The following ZNF420 variants were observed in gnomAD, a reference collection of about 807,000 sequenced individuals.
ZNF420 encodes the protein zinc finger protein 420.
In ZNF420, 31 loss-of-function variants were observed where a neutral mutation model predicts 44.7. That is an observed-to-expected ratio of 0.69 (90% CI 0.52 to 0.94). ZNF420 has a LOEUF of 0.94. Ranked by LOEUF, ZNF420 falls within the 40% of genes least tolerant of loss-of-function variation. The probability of loss-of-function intolerance (pLI) is 0.00; values close to 1 mark genes in which losing one functional copy is unlikely to be tolerated. For missense variants in ZNF420, 681 were observed against 827.9 expected (o/e 0.82, Z 2.18); for synonymous variants, 245 against 267.4 (o/e 0.92, Z 0.82).
chr19:37,055,842 G>A (rs999198143), intron 1 of ZNF420, among the ~76,000 whole-genome samples: 6 of 152,166 alleles, frequency 3.9e-5, no homozygotes. Context: ...AAGCAGCGCG[G>A]AATTCCAGCC....
At chr19:37,024,337 G>A (rs1745195023) in intron 1 of ZNF420, among the ~76,000 whole-genome samples, 1 of 152,126 alleles carries the variant, frequency 6.6e-6, no homozygotes, top group Non-Finnish European at 1.5e-5. Context: ...TTGGGCACAT[G>A]TTGTCAGGAC....
intron 4 of ZNF420, among the ~76,000 whole-genome samples, chr19:37,125,107 G>T (rs1194406674): frequency 6.6e-6 from 1 of 152,126 alleles, no homozygotes; most frequent in Non-Finnish European, 1.5e-5. Flanking sequence ...CAAAGTGCTG[G>T]GATTACAGGC....
At chr19:37,108,225 A>G (rs1970201238) in intron 4 of ZNF420, 1 of 152,210 alleles carries the variant, frequency 6.6e-6, no homozygotes, top group Admixed American at 6.5e-5. Context: ...GATTAATCCC[A>G]TAATCACTGC....
At chr19:37,103,494 A>G (rs1969894194) in intron 4 of ZNF420, among the ~76,000 whole-genome samples, 1 of 152,156 alleles carries the variant, frequency 6.6e-6, no homozygotes, top group African/African-American at 2.4e-5. Context: ...TGGTTACATA[A>G]TGGTCATGAC....
At position 37,036,508 on chromosome 19, in the gene ZNF420, C is replaced by G. The variant is rs1967357342; in HGVS notation, c.-125+28426C>G. ...AGCCAGCAGGAAGGATCTCACAGGT[C>G]ATATCCTGAGATCCAGCCCTCCACC... On this transcript the variant is annotated intron_variant, in intron 1 of 4. Transcript: ENST00000587029. Among the ~76,000 whole-genome samples the G allele has an allele frequency of 2.6e-5, 4 of 152,218 alleles. No individual in the cohort carries two copies. In the South Asian group the frequency reaches 8.3e-4, roughly 32 times the overall value.
chr19:37,012,662 C>T (rs530266545), intron 1 of ZNF420, among the ~76,000 whole-genome samples: 2 of 152,224 alleles, frequency 1.3e-5, no homozygotes, highest in South Asian at 4.2e-4. Context: ...CCTGTGTGCC[C>T]GTGGGCTGCT....
chr19:37,115,183 C>G, intron 4 of ZNF420: 1 of 170,980 alleles, frequency 5.8e-6, no homozygotes, highest in South Asian at 1.8e-4. Flanking sequence ...AAAGCACCTA[C>G]GTTGGACACC....
chr19:37,038,986 C>CAA lies in ZNF420; in HGVS notation c.-125+30914_-125+30915dup, dbSNP rs200675234. ...GGACAACAACAATGAAACTCTGTCT[C>CAA]AAAAAAAAAAAGAAAAGAAAAGAAA... On this transcript the variant is annotated intron_variant, in intron 1 of 4. Coordinates refer to the ZNF420 transcript ENST00000587029. Among the ~76,000 whole-genome samples the CAA allele has an allele frequency of 1.3e-3, 189 of 144,340 alleles. 1 individual carries two copies. Among genetic ancestry groups the CAA allele is most frequent in the Non-Finnish European group, 2.1e-3 (136 of 65,790 alleles). 94.7% of individuals were successfully genotyped at this position (144,340 alleles called of 152,430 possible).
Position 37,127,251 on chromosome 19 carries a change from G to A in ZNF420, c.260G>A (p.Arg87Lys), listed in dbSNP as rs764100200. The A allele has an allele frequency of 1.9e-6, 3 of 1,613,390 alleles. No individual in the cohort carries two copies. In the African/African-American group the frequency reaches 4.0e-5, roughly 22 times the overall value. ...TGTGATCTTGAAGAGTCCAATTCCA[G>A]GGATTATTTGGAAGCCAAAGGCAAG... ...ENCDLEESNS[R>K]DYLEAKGKME... Residue 87 changes from arginine to lysine, a missense_variant, in exon 5 of 5, where the codon AGG (arginine) becomes AAG (lysine). Physicochemically the swap from Arg to Lys is conservative, Grantham distance 26 (BLOSUM62 2). Around this residue, in one of 3 missense-constraint regions of ZNF420, gnomAD observed 350 missense variants for 382.5 expected, o/e 0.92. Coordinates refer to ENST00000337995, the MANE Select transcript of ZNF420 (RefSeq NM_144689.5).
chr19:37,054,716 G>T (rs1967709866), intron 1 of ZNF420, among the ~76,000 whole-genome samples: 1 of 152,188 alleles, frequency 6.6e-6, no homozygotes, highest in East Asian at 1.9e-4. Flanking sequence ...GTCATGCGCT[G>T]CCATGCCTGC....
chr19:37,059,566 G>A (rs1967831154), intron 1 of ZNF420, among the ~76,000 whole-genome samples: 1 of 152,160 alleles, frequency 6.6e-6, no homozygotes, highest in Non-Finnish European at 1.5e-5. Flanking sequence ...CGAAACCACA[G>A]GCGGAGTCTG....
intron 1 of ZNF420, among the ~76,000 whole-genome samples, chr19:37,048,705 T>C (rs1317574704): frequency 6.6e-6 from 1 of 152,206 alleles, no homozygotes; most frequent in South Asian, 2.1e-4. Flanking sequence ...TTTAATTTTT[T>C]AATTTTTATT....
chr19:37,017,677 A>G (rs1042612136), intron 1 of ZNF420, among the ~76,000 whole-genome samples: 2 of 152,242 alleles, frequency 1.3e-5, no homozygotes, highest in African/African-American at 4.8e-5. Context: ...CGTCAACATA[A>G]TAAAAGTTTT....
At chr19:37,046,678 G>A (rs1421324767) in intron 1 of ZNF420, among the ~76,000 whole-genome samples, 1 of 152,134 alleles carries the variant, frequency 6.6e-6, no homozygotes, top group South Asian at 2.1e-4. Context: ...TTGTGTGGTG[G>A]GTTCACAAGT....
chr19:37,011,473 T>A (rs773791504), intron 1 of ZNF420, among the ~76,000 whole-genome samples: 2 of 152,074 alleles, frequency 1.3e-5, no homozygotes, highest in Non-Finnish European at 1.5e-5. Context: ...TTGGCTGCCA[T>A]GAATGTCAGG....
chr19:37,086,229 T>C (rs1968770158), intron 2 of ZNF420, among the ~76,000 whole-genome samples: 1 of 152,154 alleles, frequency 6.6e-6, no homozygotes, highest in South Asian at 2.1e-4. Context: ...GACTCACTTC[T>C]GCACTGATCC....
intron 1 of ZNF420, among the ~76,000 whole-genome samples, chr19:37,039,370 C>T (rs951737231): frequency 1.3e-5 from 2 of 152,150 alleles, no homozygotes; most frequent in African/African-American, 4.8e-5. Context: ...CCATGGGATA[C>T]AGAATAGATG....
intron 1 of ZNF420, among the ~76,000 whole-genome samples, chr19:37,011,486 G>C (rs2074568524): frequency 6.6e-6 from 1 of 152,212 alleles, no homozygotes; most frequent in Non-Finnish European, 1.5e-5. Context: ...ATGTCAGGGA[G>C]CCAAAGGGAT....
At chr19:37,021,830 G>A (rs1424195611) in intron 1 of ZNF420, among the ~76,000 whole-genome samples, 2 of 150,776 alleles carry the variant, frequency 1.3e-5, no homozygotes, top group East Asian at 4.0e-4. Flanking sequence ...CCAGCTACTC[G>A]GGAGGCTGAG....
Sources: gnomAD v4.1 joint callset for allele counts (sites outside exome capture counted in the v4.1 genomes callset) on GRCh38, gnomAD v4.1.1 for gene constraint, gnomAD v4.1.1 regional missense constraint, MANE v1.5 for transcripts, NCBI Gene and HGNC (gene_info 2026-07-23, HGNC 2026-07-21) for gene names.